Variants in CORIN observed in about 807,000 individuals in gnomAD.
CORIN encodes atrial natriuretic peptide-converting enzyme.
In CORIN, 117 loss-of-function variants were observed where a neutral mutation model predicts 125.3. That is an observed-to-expected ratio of 0.93 (90% CI 0.80 to 1.09). The LOEUF (loss-of-function observed/expected upper bound fraction) is 1.09. CORIN is among the 50% of genes least tolerant of loss of function. The pLI is 0.00. For synonymous variants in CORIN, 450 were observed against 466.4 expected (o/e 0.96, Z 0.45); for missense variants, 1,253 against 1,306.7 (o/e 0.96, Z 0.63).
chr4:47,771,685 CAT>C (rs961364087), intron 3 of CORIN, among the ~76,000 whole-genome samples: 1 of 152,108 alleles, frequency 6.6e-6, no homozygotes, highest in Non-Finnish European at 1.5e-5. Flanking sequence ...TAAGTGAAAA[CAT>C]GTGGTATTTG....
At chr4:47,753,142 G>T (rs757213067) in intron 4 of CORIN, among the ~76,000 whole-genome samples, 2 of 152,084 alleles carry the variant, frequency 1.3e-5, no homozygotes, top group Non-Finnish European at 2.9e-5. Context: ...CATATTGGTA[G>T]ATCCGTGATG....
intron 3 of CORIN, among the ~76,000 whole-genome samples, chr4:47,781,061 A>T (rs574613919): frequency 6.6e-6 from 1 of 152,204 alleles, no homozygotes; most frequent in African/African-American, 2.4e-5. Flanking sequence ...TAGCAAAATG[A>T]CAGAAGTAGG....
intron 8 of CORIN, 26 bp from the exon 9 acceptor site, chr4:47,678,080 CTTTA>C (rs1243222597): frequency 6.8e-7 from 1 of 1,467,240 alleles, no homozygotes; most frequent in Non-Finnish European, 9.6e-7. Flanking sequence ...ACAATATTCA[CTTTA>C]TTTATTAATT....
chr4:47,672,569 G>A (rs1313774355), intron 10 of CORIN, among the ~76,000 whole-genome samples: 1 of 152,078 alleles, frequency 6.6e-6, no homozygotes, highest in Non-Finnish European at 1.5e-5. Flanking sequence ...ACGGCAGATT[G>A]AGAGACGAGT....
chr4:47,674,627 C>CA lies in CORIN; in HGVS notation c.1250-128dup, dbSNP rs1249872296. 4.5e-6 allele frequency: 3 copies of CA among 667,784 alleles called. No homozygotes were observed. The East Asian group carries it at 7.9e-5, about 17-fold the overall frequency. The allele number at this position is 667,784 out of a possible 1,614,324, so 41.4% of individuals were successfully genotyped here. A position where few individuals can be genotyped will look rare whatever the true frequency, so the allele number is the denominator to read the frequency against. On this transcript the variant is annotated intron_variant, in intron 9 of 21. Transcript: ENST00000273857. The stretch of plus-strand genomic sequence containing the variant: ...AACTTTAATTTCCTTCCAATTTCTC[C>CA]AAAAGTATTGAACGTACGTTGAATA...
At chr4:47,780,827 G>T (rs1469432935) in intron 3 of CORIN, among the ~76,000 whole-genome samples, 2 of 151,980 alleles carry the variant, frequency 1.3e-5, no homozygotes, top group Non-Finnish European at 2.9e-5. Context: ...TCAAGTTAGA[G>T]TGCTGTAACT....
At position 47,775,342 on chromosome 4, in the gene CORIN, A is replaced by G. The variant is rs942593620; in HGVS notation, c.409+11383T>C. ...CATTAATTCTTCATTTACATTAGGT[A>G]TATCTCCTAATGCTATCTCTCCCCC... On this transcript the variant is annotated intron_variant, in intron 3 of 21. Transcript: ENST00000273857. Among the ~76,000 whole-genome samples, 8 of 151,892 alleles carry G rather than the reference A, an allele frequency of 5.3e-5. No individual in the cohort carries two copies. In the East Asian group the frequency reaches 1.5e-3, roughly 29 times the overall value.
chr4:47,638,595 T>G (rs1393759258), intron 16 of CORIN, among the ~76,000 whole-genome samples: 1 of 152,216 alleles, frequency 6.6e-6, no homozygotes, highest in African/African-American at 2.4e-5. Context: ...AAGCTCTCTC[T>G]TTTTTGTGTG....
At chr4:47,709,198 C>G (rs1033155638) in intron 5 of CORIN, among the ~76,000 whole-genome samples, 1 of 152,084 alleles carries the variant, frequency 6.6e-6, no homozygotes, top group Admixed American at 6.6e-5. Flanking sequence ...GAAAAGACAG[C>G]AAAGAGGCAG....
intron 9 of CORIN, 143 bp downstream of exon 9, chr4:47,677,795 C>T: frequency 1.6e-6 from 1 of 621,650 alleles, no homozygotes; most frequent in Non-Finnish European, 2.9e-6. Flanking sequence ...TCCTGGCTGA[C>T]TAGGGCTGTG....
Position 47,665,278 on chromosome 4 carries a change from T to C in CORIN, c.1358-15A>G, listed in dbSNP as rs1348047808. Reference sequence around the variant, plus strand: ...TTCACATTGACCTAACAAAGAAACATACACACAAATATTTTTAAATTTCAC... The same window carrying C: ...TTCACATTGACCTAACAAAGAAACACACACACAAATATTTTTAAATTTCAC... On this transcript the variant is annotated splice_polypyrimidine_tract_variant and intron_variant, in intron 10 of 21. Transcript: ENST00000273857. 8 of 1,546,696 alleles carry C rather than the reference T, an allele frequency of 5.2e-6. No homozygotes were observed. The African/African-American group carries it at 9.6e-5, about 19-fold the overall frequency.
Position 47,677,856 on chromosome 4 carries a change from A to C in CORIN, c.1249+82T>G. 3.1e-6 allele frequency: 3 copies of C among 979,774 alleles called. No homozygotes were observed. In the Admixed American group the frequency reaches 5.2e-5, roughly 17 times the overall value. The allele number at this position is 979,774 out of a possible 1,614,324, so 60.7% of individuals were successfully genotyped here. On this transcript the variant is annotated intron_variant, in intron 9 of 21. Transcript: ENST00000273857. ...GATTATTTACATGGGAATCCTACTT[A>C]AGCAACTTCAAATGTGTTCCTTTGT...
At chr4:47,675,174 G>A (rs914488974) in intron 9 of CORIN, among the ~76,000 whole-genome samples, 2 of 152,126 alleles carry the variant, frequency 1.3e-5, no homozygotes, top group African/African-American at 4.8e-5. Flanking sequence ...GCTTTTCCTT[G>A]ATTCCCTGGT....
chr4:47,769,908 T>C (rs923686053), intron 3 of CORIN, among the ~76,000 whole-genome samples: 2 of 152,102 alleles, frequency 1.3e-5, no homozygotes, highest in Non-Finnish European at 2.9e-5. Flanking sequence ...ACTATAACAC[T>C]ACTAGAAGAA....
At chr4:47,667,047 G>C (rs1724513167) in intron 10 of CORIN, among the ~76,000 whole-genome samples, 1 of 152,216 alleles carries the variant, frequency 6.6e-6, no homozygotes. Context: ...GCCAGTGGGA[G>C]ATCACTGATA....
At chr4:47,833,519 G>C in intron 1 of CORIN, among the ~76,000 whole-genome samples, 1 of 57,210 alleles carries the variant, frequency 1.7e-5, no homozygotes, top group East Asian at 3.9e-4. Context: ...CAAAAGCATA[G>C]GCAAAAAAAA....
intron 4 of CORIN, among the ~76,000 whole-genome samples, chr4:47,749,618 G>A (rs1728814365): frequency 6.6e-6 from 1 of 152,200 alleles, no homozygotes; most frequent in Non-Finnish European, 1.5e-5. Flanking sequence ...CATAGCAACT[G>A]TATAATAATA....
At chr4:47,642,071 G>A (rs1723254714) in intron 15 of CORIN, 22 bp from the exon 16 acceptor site, 1 of 1,608,118 alleles carries the variant, frequency 6.2e-7, no homozygotes, top group Non-Finnish European at 8.5e-7. Context: ...AAAGACAAGG[G>A]AAACCCTAAT....
intron 3 of CORIN, among the ~76,000 whole-genome samples, chr4:47,767,513 G>A (rs1453303072): frequency 1.3e-5 from 2 of 152,004 alleles, no homozygotes; most frequent in African/African-American, 4.8e-5. Flanking sequence ...CAAGACAGAA[G>A]AGAACTTTAA....
Sources: allele counts gnomAD v4.1 joint callset (sites outside exome capture counted in the v4.1 genomes callset), GRCh38; gene constraint gnomAD v4.1.1; transcripts MANE v1.5; gene names NCBI Gene and HGNC (gene_info 2026-07-23, HGNC 2026-07-21).